Variants in CSMD1 observed in about 807,000 individuals in gnomAD.
The protein encoded by CSMD1 is CUB and sushi domain-containing protein 1.
CSMD1 carries 213 observed loss-of-function variants against 417.5 expected under a neutral mutation model. That is an observed-to-expected ratio of 0.51 (90% CI 0.46 to 0.57). The LOEUF (loss-of-function observed/expected upper bound fraction) is 0.57. Ranked by LOEUF, CSMD1 falls within the 20% of genes least tolerant of loss-of-function variation. The pLI is 0.00. For missense variants in CSMD1, 6,923 were observed against 4,529.7 expected (o/e 1.53, Z -15.17); for synonymous variants, 2,862 against 1,736.8 (o/e 1.65, Z -16.11).
chr8:4,935,678 T>G (rs1807566452), intron 1 of CSMD1, among the ~76,000 whole-genome samples: 1 of 152,348 alleles, frequency 6.6e-6, no homozygotes, highest in Non-Finnish European at 1.5e-5. Context: ...GAAACGAGTT[T>G]TACATATTTT....
intron 4 of CSMD1, among the ~76,000 whole-genome samples, chr8:4,022,152 G>GTA (rs1796820663): frequency 7.2e-6 from 1 of 139,680 alleles, no homozygotes; most frequent in South Asian, 2.3e-4. Flanking sequence ...GTATATATTT[G>GTA]TATATATATT....
intron 1 of CSMD1, among the ~76,000 whole-genome samples, chr8:4,729,152 G>A (rs951903139): frequency 6.6e-6 from 1 of 152,108 alleles, no homozygotes; most frequent in East Asian, 1.9e-4. Flanking sequence ...CACAAGGACA[G>A]GCTAATGAGA....
chr8:4,579,766 G>T (rs1282054088), intron 2 of CSMD1, among the ~76,000 whole-genome samples: 1 of 152,016 alleles, frequency 6.6e-6, no homozygotes, highest in Non-Finnish European at 1.5e-5. Flanking sequence ...ATTTTTACAG[G>T]TGAATTTCCA....
At chr8:4,803,743 A>T (rs1369171676) in intron 1 of CSMD1, among the ~76,000 whole-genome samples, 1 of 152,206 alleles carries the variant, frequency 6.6e-6, no homozygotes, top group Non-Finnish European at 1.5e-5. Flanking sequence ...AAATACTAAT[A>T]TAATTTTTTT....
chr8:4,351,370 T>C (rs184353628), intron 3 of CSMD1, among the ~76,000 whole-genome samples: 1 of 152,366 alleles, frequency 6.6e-6, no homozygotes, highest in African/African-American at 2.4e-5. Flanking sequence ...TTATTCGTCT[T>C]GTTCTCCTCT....
chr8:3,509,772 T>C (rs985430687), intron 10 of CSMD1, among the ~76,000 whole-genome samples: 2 of 152,202 alleles, frequency 1.3e-5, no homozygotes, highest in Non-Finnish European at 2.9e-5. Flanking sequence ...AGGGGTCTGC[T>C]TGATGCCTTC....
chr8:4,486,341 G>C (rs908546469), intron 2 of CSMD1, among the ~76,000 whole-genome samples: 2 of 149,050 alleles, frequency 1.3e-5, no homozygotes, highest in Non-Finnish European at 3.0e-5. Flanking sequence ...AGTAATTTGC[G>C]ACGATTCTAC....
chr8:4,417,709 G>A (rs562890571), intron 3 of CSMD1, among the ~76,000 whole-genome samples: 1 of 152,070 alleles, frequency 6.6e-6, no homozygotes, highest in South Asian at 2.1e-4. Flanking sequence ...GAGGAAATCT[G>A]AGGTATCAGA....
intron 64 of CSMD1, among the ~76,000 whole-genome samples, chr8:2,954,798 A>G (rs1488830173): frequency 6.6e-6 from 1 of 152,214 alleles, no homozygotes; most frequent in African/African-American, 2.4e-5. Flanking sequence ...ACGAATTACC[A>G]TTTTAAAAGT....
intron 62 of CSMD1, among the ~76,000 whole-genome samples, chr8:2,960,017 A>G (rs1031214657): frequency 1.1e-4 from 17 of 152,210 alleles, no homozygotes; most frequent in African/African-American, 4.1e-4. Flanking sequence ...TTATAGAACT[A>G]TGTTGCTAAA....
intron 39 of CSMD1, among the ~76,000 whole-genome samples, chr8:3,156,349 T>C (rs1175418121): frequency 6.6e-6 from 1 of 152,256 alleles, no homozygotes; most frequent in Non-Finnish European, 1.5e-5. Flanking sequence ...GGCTCTCTGA[T>C]ACTCATTCAT....
intron 5 of CSMD1, among the ~76,000 whole-genome samples, chr8:3,798,759 A>C (rs1233757483): frequency 1.3e-5 from 2 of 152,016 alleles, no homozygotes; most frequent in Non-Finnish European, 2.9e-5. Flanking sequence ...AGTATTTAGA[A>C]ATTTTTTTTA....
At chr8:4,760,643 T>C (rs1055104853) in intron 1 of CSMD1, among the ~76,000 whole-genome samples, 3 of 152,230 alleles carry the variant, frequency 2.0e-5, no homozygotes, top group Admixed American at 6.5e-5. Context: ...TGTATAAGTA[T>C]GCTGGTATCA....
chr8:4,949,028 C>G (rs774455833), intron 1 of CSMD1, among the ~76,000 whole-genome samples: 1 of 152,020 alleles, frequency 6.6e-6, no homozygotes, highest in Non-Finnish European at 1.5e-5. Context: ...TGTCTTTATC[C>G]TAAATGAGTG....
intron 3 of CSMD1, among the ~76,000 whole-genome samples, chr8:4,306,863 C>A (rs1326555239): frequency 6.6e-6 from 1 of 151,890 alleles, no homozygotes; most frequent in African/African-American, 2.4e-5. Flanking sequence ...TTTTCAATCT[C>A]TTTTTGCAAA....
chr8:3,851,674 G>T (rs994095249), intron 5 of CSMD1, among the ~76,000 whole-genome samples: 1 of 152,038 alleles, frequency 6.6e-6, no homozygotes, highest in East Asian at 1.9e-4. Flanking sequence ...ACAAAGAAAA[G>T]GGTGAATAGC....
intron 3 of CSMD1, among the ~76,000 whole-genome samples, chr8:4,052,502 G>A (rs1423017720): frequency 6.6e-6 from 1 of 152,264 alleles, no homozygotes; most frequent in Middle Eastern, 3.4e-3. Flanking sequence ...TGCAGTGGGA[G>A]ATCAGCATCT....
chr8:4,371,228 G>A (rs879073625), intron 3 of CSMD1, among the ~76,000 whole-genome samples: 7 of 152,248 alleles, frequency 4.6e-5, no homozygotes, highest in Admixed American at 3.9e-4. Context: ...TGCTCTCACC[G>A]TGGGGGATTA....
rs1353961202 is a variant in CSMD1, at chr8:3,190,101, T to C, written c.5209A>G (p.Ser1737Gly). 1 of 1,589,144 alleles carries C rather than the reference T, an allele frequency of 6.3e-7. No homozygotes were observed. ...HFVYQAVPRTSDTQCSSVPEP... is the reference protein window; with the variant it reads ...HFVYQAVPRTGDTQCSSVPEP... ...GGGACAGAGCTGCATTGGGTGTCAC[T>C]GGTACGAGGAACAGCTAGAAGCAAA... is the stretch of plus-strand genomic sequence containing the variant. The change falls in exon 34 of 70, where the codon AGT (serine) becomes GGT (glycine). Residue 1737 changes from serine (S) to glycine (G), a missense_variant. By Grantham distance (56) the Ser-to-Gly change is moderately conservative (BLOSUM62 0). Transcript: ENST00000635120.
Sources: gnomAD v4.1 joint callset for allele counts (sites outside exome capture counted in the v4.1 genomes callset) on GRCh38, gnomAD v4.1.1 for gene constraint, MANE v1.5 for transcripts, NCBI Gene and HGNC (gene_info 2026-07-23, HGNC 2026-07-21) for gene names.